The following CSMD3 variants were observed in gnomAD, a reference collection of about 807,000 sequenced individuals.
CSMD3 encodes CUB and sushi domain-containing protein 3.
A neutral mutation model predicts 435.2 loss-of-function variants in CSMD3; 177 were observed. The ratio of observed to expected loss-of-function variants is 0.41; its 90% CI spans 0.36 to 0.46. CSMD3 has a LOEUF of 0.46. CSMD3 is among the 20% of genes least tolerant of loss of function. CSMD3 has a pLI of 0.34. For missense variants in CSMD3, 4,265 were observed against 4,504.6 expected (o/e 0.95, Z 1.52); for synonymous variants, 1,656 against 1,520.5 (o/e 1.09, Z -2.07).
chr8:112,223,221 A>G lies in CSMD3; in HGVS notation c.*1550T>C. 2.6e-6 allele frequency: 1 copy of G among 391,292 alleles called. No individual in the cohort carries two copies. Among genetic ancestry groups the G allele is most frequent in the Non-Finnish European group, 4.5e-6 (1 of 221,158 alleles). 24.2% of individuals were successfully genotyped at this position (391,292 alleles called of 1,614,324 possible). A position where few individuals can be genotyped will look rare whatever the true frequency, so the allele number is the denominator to read the frequency against. ...CTGCCAGTAGAGTACCATGTTGAGA[A>G]AATTGTATGAATTTCCAAAACAATG... On this transcript the variant is annotated 3_prime_UTR_variant, in exon 71 of 71. Coordinates refer to ENST00000297405, the MANE Select transcript of CSMD3 (RefSeq NM_198123.2).
chr8:113,421,309 C>T (rs1028274277), intron 1 of CSMD3, among the ~76,000 whole-genome samples: 5 of 152,000 alleles, frequency 3.3e-5, no homozygotes, highest in African/African-American at 9.7e-5. Context: ...CTTTTCCTGC[C>T]CTGAAGATGA....
At chr8:112,499,223 C>G (rs975360583) in intron 30 of CSMD3, among the ~76,000 whole-genome samples, 2 of 151,594 alleles carry the variant, frequency 1.3e-5, no homozygotes, top group Non-Finnish European at 2.9e-5. Context: ...AAGAAAAAGG[C>G]TAATAAGTAT....
intron 1 of CSMD3, among the ~76,000 whole-genome samples, chr8:113,349,947 C>T (rs1009773084): frequency 5.3e-5 from 8 of 152,074 alleles, no homozygotes; most frequent in Admixed American, 4.6e-4. Context: ...AAGTCTGTGT[C>T]CATTCTGGGT....
At chr8:113,286,352 A>C (rs974238640) in intron 2 of CSMD3, among the ~76,000 whole-genome samples, 1 of 152,158 alleles carries the variant, frequency 6.6e-6, no homozygotes, top group African/African-American at 2.4e-5. Context: ...TTCTATCAAT[A>C]ACTAATATGA....
In CSMD3 at chr8:113,179,312, T is replaced by C. The variant is rs576123713; in HGVS notation, c.515-5396A>G. 1.5e-4 allele frequency among the ~76,000 whole-genome samples: 23 copies of C among 151,950 alleles called. No individual in the cohort carries two copies. The East Asian group carries it at 4.5e-3, about 29-fold the overall frequency. On this transcript the variant is annotated intron_variant, in intron 3 of 70. Transcript: ENST00000297405. ...AGTTTTATTATTATTATAAATTGTG[T>C]ATTTGAGACATCAAAATTAGATGTG...
Position 112,289,478 on chromosome 8 carries a change from G to A in CSMD3, c.9035C>T (p.Thr3012Ile), listed in dbSNP as rs1819546205. ...GGAATAGTGAACAGTAGACCCAAAA[G>A]TATACTTCTCGCCAGACAGGACTGC... Reference protein sequence around the residue: ...PNAVLSGEKYTFGSTVHYSCT... With the variant: ...PNAVLSGEKYIFGSTVHYSCT... Residue 3012 changes from threonine to isoleucine, a missense_variant, in exon 57 of 71, where the codon ACT (threonine) becomes ATT (isoleucine). Physicochemically the swap from Thr to Ile is moderately conservative, Grantham distance 89. Around this residue, in one of 3 missense-constraint regions of CSMD3, gnomAD observed 3,255 missense variants for 3,380.2 expected, o/e 0.96. Transcript: ENST00000297405. The A allele has an allele frequency of 1.9e-6, 3 of 1,613,036 alleles. No individual in the cohort carries two copies. The highest frequency in any genetic ancestry group is 1.3e-5 in the African/African-American group (1 of 74,886).
rs183920811 is a variant in CSMD3, at chr8:112,354,097, A to G, written c.6137-1563T>C. Among the ~76,000 whole-genome samples the G allele has an allele frequency of 2.6e-5, 4 of 152,332 alleles. No homozygotes were observed. The East Asian group carries it at 7.7e-4, about 29-fold the overall frequency. ...GTAAATAGAATTAAAAATAAAAGCC[A>G]TATGATCATTTCAATAGATGCAGAA... On this transcript the variant is annotated intron_variant, in intron 38 of 70. Coordinates refer to ENST00000297405, the MANE Select transcript of CSMD3 (RefSeq NM_198123.2).
chr8:113,313,657 T>C (rs2093887478), intron 2 of CSMD3: 1 of 152,224 alleles, frequency 6.6e-6, no homozygotes, highest in African/African-American at 2.4e-5. Context: ...TTATCAACTA[T>C]TAGAAAGTAA....
intron 41 of CSMD3, among the ~76,000 whole-genome samples, chr8:112,342,813 A>T (rs1301707963): frequency 6.6e-6 from 1 of 151,842 alleles, no homozygotes; most frequent in Non-Finnish European, 1.5e-5. Context: ...AAAAAATTAG[A>T]TTAACTTTTT....
intron 31 of CSMD3, among the ~76,000 whole-genome samples, chr8:112,475,219 T>G (rs1260371908): frequency 1.3e-5 from 2 of 152,172 alleles, no homozygotes; most frequent in South Asian, 2.1e-4. Context: ...TTCTGTAACT[T>G]AGTCATGAAC....
Position 113,267,226 on chromosome 8 carries a change from C to T in CSMD3, c.514+11366G>A, listed in dbSNP as rs2093479040. Among the ~76,000 whole-genome samples the T allele has an allele frequency of 5.9e-5, 9 of 151,586 alleles. No individual in the cohort carries two copies. The South Asian group carries it at 1.9e-3, about 31-fold the overall frequency. On this transcript the variant is annotated intron_variant, in intron 3 of 70. Coordinates refer to ENST00000297405, the MANE Select transcript of CSMD3 (RefSeq NM_198123.2). Reference sequence around the variant, plus strand: ...AAAACTAAAAATAGAATTACCATTCCACAGAAATTCCAGTACAGAAATTTC... The same window carrying T: ...AAAACTAAAAATAGAATTACCATTCTACAGAAATTCCAGTACAGAAATTTC...
chr8:112,815,056 G>A (rs576288806), intron 12 of CSMD3, among the ~76,000 whole-genome samples: 13 of 150,860 alleles, frequency 8.6e-5, no homozygotes, highest in South Asian at 8.3e-4. Context: ...TGAAGTACAC[G>A]AAATTCACTA....
At chr8:112,669,008 A>C (rs572222323) in intron 16 of CSMD3, among the ~76,000 whole-genome samples, 1 of 152,098 alleles carries the variant, frequency 6.6e-6, no homozygotes, top group African/African-American at 2.4e-5. Flanking sequence ...CAGAAACCTA[A>C]AAATATTATT....
intron 5 of CSMD3, among the ~76,000 whole-genome samples, chr8:113,031,632 T>C (rs2087114045): frequency 1.3e-5 from 2 of 151,626 alleles, no homozygotes; most frequent in Non-Finnish European, 2.9e-5. Flanking sequence ...AAAATACACT[T>C]GCACACTCAC....
chr8:112,305,906 C>CTA, intron 51 of CSMD3, 101 bp downstream of exon 51: 1 of 973,694 alleles, frequency 1.0e-6, no homozygotes, highest in Admixed American at 1.7e-5. Context: ...CATCACATTT[C>CTA]AGTTTAGGGA....
intron 5 of CSMD3, among the ~76,000 whole-genome samples, chr8:113,072,866 A>G (rs755326662): frequency 1.4e-4 from 21 of 151,658 alleles, no homozygotes; most frequent in Non-Finnish European, 2.2e-4. Flanking sequence ...TCTTGTTCTT[A>G]TCATCACCCA....
rs56289713 is a variant in CSMD3 at position 112,791,319 on chromosome 8, G to GGAAA, written c.1972+8842_1972+8843insTTTC. 1.1e-4 allele frequency among the ~76,000 whole-genome samples: 11 copies of GGAAA among 103,176 alleles called. 3 individuals carry two copies. The highest frequency in any genetic ancestry group is 1.2e-4 in the African/African-American group (3 of 25,784). The allele number at this position is 103,176 out of a possible 152,430, so 67.7% of individuals were successfully genotyped here. A position where few individuals can be genotyped will look rare whatever the true frequency, so the allele number is the denominator to read the frequency against. ...CCTGGGTGACAGAGGCATATCCTGT[G>GGAAA]AAAAAAAAAAAAAAAAAAAAAGGAA... On this transcript the variant is annotated intron_variant, in intron 13 of 70. Coordinates refer to ENST00000297405, the MANE Select transcript of CSMD3 (RefSeq NM_198123.2).
At chr8:113,285,122 C>A (rs2093636748) in intron 2 of CSMD3, among the ~76,000 whole-genome samples, 1 of 152,106 alleles carries the variant, frequency 6.6e-6, no homozygotes, top group Non-Finnish European at 1.5e-5. Flanking sequence ...GGTTTCTTAA[C>A]AAGTATTTTG....
intron 4 of CSMD3, among the ~76,000 whole-genome samples, chr8:113,167,825 A>G (rs2092183634): frequency 6.6e-6 from 1 of 152,212 alleles, no homozygotes; most frequent in Non-Finnish European, 1.5e-5. Context: ...AGCATCAAAT[A>G]TAACTGCTCA....
Sources: allele counts gnomAD v4.1 joint callset (sites outside exome capture counted in the v4.1 genomes callset), GRCh38; gene constraint gnomAD v4.1.1; regional missense constraint gnomAD v4.1.1; transcripts MANE v1.5; gene names NCBI Gene and HGNC (gene_info 2026-07-23, HGNC 2026-07-21).